ZNF546: variants seen among roughly 807,000 people sequenced by gnomAD.
The protein encoded by ZNF546 is zinc finger protein 546, also known as CTC-471F3.6.
ZNF546 carries 60 observed loss-of-function variants against 76.2 expected under a neutral mutation model. The observed-to-expected ratio is 0.79, with a 90% CI of 0.64 to 0.98. ZNF546 has a LOEUF of 0.98. Among genes scored for constraint, ZNF546 ranks in the 50% least tolerant of loss-of-function variants. The pLI is 0.00. For missense variants in ZNF546, 936 were observed against 1,035.6 expected (o/e 0.90, Z 1.32); for synonymous variants, 277 against 328.1 (o/e 0.84, Z 1.68).
intron 6 of ZNF546, among the ~76,000 whole-genome samples, chr19:40,009,822 T>C (rs1356454612): frequency 6.6e-6 from 1 of 151,848 alleles, no homozygotes; most frequent in East Asian, 1.9e-4. Context: ...TATTTTGAGA[T>C]TCATCCATGT....
chr19:40,003,794 C>T (rs1971560807), intron 3 of ZNF546, among the ~76,000 whole-genome samples: 1 of 151,890 alleles, frequency 6.6e-6, no homozygotes, highest in Non-Finnish European at 1.5e-5. Context: ...GGCAGATCAC[C>T]TGAGGTCAGG....
Position 40,019,038 on chromosome 19 carries a change from A to G in ZNF546, c.*3257A>G, listed in dbSNP as rs1374534550. ...AGGTTTCTCTGTTGTAGAGCTAAAT[A>G]TTTCTTTTAATTTAGTAAACGATCT... On this transcript the variant is annotated 3_prime_UTR_variant, in exon 7 of 7. Transcript: ENST00000347077. 2 of 152,186 alleles carry G rather than the reference A, an allele frequency of 1.3e-5. No homozygotes were observed. Among genetic ancestry groups the G allele is most frequent in the Non-Finnish European group, 2.9e-5 (2 of 68,034 alleles). 9.4% of individuals were successfully genotyped at this position (152,186 alleles called of 1,614,324 possible). A position where few individuals can be genotyped will look rare whatever the true frequency, so the allele number is the denominator to read the frequency against.
chr19:40,014,450 T>G lies in ZNF546; in HGVS notation c.1180T>G (p.Phe394Val). The G allele has an allele frequency of 1.2e-6, 2 of 1,614,156 alleles. No homozygotes were observed. The highest frequency in any genetic ancestry group is 1.7e-6 in the Non-Finnish European group (2 of 1,180,000). ...PYKCNECGKA[F>V]SHGSYLVQHQ... ...TAAATGTAATGAATGTGGGAAGGCC[T>G]TTAGTCATGGCTCATACCTTGTTCA... The change falls in exon 7 of 7, where the codon TTT becomes GTT. Residue 394 changes from phenylalanine to valine, a missense_variant. Transcript: ENST00000347077.
chr19:40,013,778 A>C lies in ZNF546; in HGVS notation c.508A>C (p.Thr170Pro). The change falls in exon 7 of 7, where the codon ACC (threonine) becomes CCC (proline). Residue 170 changes from threonine (T) to proline (P), a missense_variant. Transcript: ENST00000347077. ...EKSKNTIHED[T>P]IFRNGLQCKH... ...AAGTAAAAACACCATCCATGAGGAC[A>C]CCATTTTCAGAAATGGTTTGCAGTG... 1 of 1,613,898 alleles carries C rather than the reference A, an allele frequency of 6.2e-7. No individual in the cohort carries two copies. The highest frequency in any genetic ancestry group is 1.1e-5 in the South Asian group (1 of 91,020).
chr19:40,005,464 C>T (rs1448453996), intron 3 of ZNF546, among the ~76,000 whole-genome samples: 2 of 152,138 alleles, frequency 1.3e-5, no homozygotes, highest in African/African-American at 4.8e-5. Context: ...ATTCATTTCC[C>T]TGTGATGTTG....
At position 40,016,474 on chromosome 19, in the gene ZNF546, C is replaced by T. The variant is rs1971769720; in HGVS notation, c.*693C>T. On this transcript the variant is annotated 3_prime_UTR_variant, in exon 7 of 7. Coordinates refer to ENST00000347077, the MANE Select transcript of ZNF546 (RefSeq NM_178544.5). ...GGCAGAGGTTGCAGTGAGCTGAGAT[C>T]GCACCACTGCACTCTAGCTTGGGCA... The T allele has an allele frequency of 6.6e-6, 1 of 152,138 alleles. No homozygotes were observed. The allele number at this position is 152,138 out of a possible 1,614,324, so 9.4% of individuals were successfully genotyped here.
At chr19:40,001,772 A>T (rs139096225) in intron 3 of ZNF546, among the ~76,000 whole-genome samples, 1 of 152,234 alleles carries the variant, frequency 6.6e-6, no homozygotes, top group Non-Finnish European at 1.5e-5. Context: ...TATCATTATT[A>T]AAAAATGGGC....
chr19:40,001,899 G>A (rs1038069266), intron 3 of ZNF546, among the ~76,000 whole-genome samples: 18 of 152,120 alleles, frequency 1.2e-4, no homozygotes, highest in African/African-American at 2.2e-4. Context: ...CTTTTATTAC[G>A]TAATTATGTA....
rs546130223 is a variant in ZNF546 at position 40,013,640 on chromosome 19, CTTTTTTTTTT to C, written c.395-14_395-5del. The C allele has an allele frequency of 1.5e-5, 16 of 1,091,566 alleles. No homozygotes were observed. Among genetic ancestry groups the C allele is most frequent in the African/African-American group, 1.0e-4 (5 of 49,412 alleles). The allele number at this position is 1,091,566 out of a possible 1,614,324, so 67.6% of individuals were successfully genotyped here. A position where few individuals can be genotyped will look rare whatever the true frequency, so the allele number is the denominator to read the frequency against. ...CATTATAGCATTTGTTTACTCTTTG[CTTTTTTTTTT>C]TTTTTTTTTTGCAGATTTGGAATAC... On this transcript the variant is annotated splice_polypyrimidine_tract_variant and intron_variant, in intron 6 of 6. Coordinates refer to ENST00000347077, the MANE Select transcript of ZNF546 (RefSeq NM_178544.5).
chr19:40,014,096 AAAG>A lies in ZNF546; in HGVS notation c.829_831del (p.Glu277del). ...TGCTGGGGAGAGACCCTATGAATGT[AAAG>A]AATGTGGGAAGGCCTTTAGACTTCA... On this transcript the variant is annotated inframe_deletion, in exon 7 of 7. Transcript: ENST00000347077. 1 of 1,613,934 alleles carries A rather than the reference AAAG, an allele frequency of 6.2e-7. No homozygotes were observed. The highest frequency in any genetic ancestry group is 8.5e-7 in the Non-Finnish European group (1 of 1,179,818).
At chr19:39,999,589 T>C (rs1455817142) in intron 3 of ZNF546, 1 of 152,038 alleles carries the variant, frequency 6.6e-6, no homozygotes, top group Non-Finnish European at 1.5e-5. Context: ...GATTTTTTTT[T>C]TTTTTTGACA....
chr19:40,005,617 T>C (rs1021898655), intron 3 of ZNF546, among the ~76,000 whole-genome samples: 1 of 151,988 alleles, frequency 6.6e-6, no homozygotes, highest in Non-Finnish European at 1.5e-5. Context: ...GAATTGCTCA[T>C]GCTTAAGTTT....
chr19:40,006,015 A>G lies in ZNF546; in HGVS notation c.85-81A>G, dbSNP rs1393387957. On this transcript the variant is annotated intron_variant, in intron 3 of 6. Transcript: ENST00000347077. ...TGGGGTTGGAAGTAGAAATGATGGC[A>G]TAACAGGATCTTATTAACTTAAGTC... The G allele has an allele frequency of 2.3e-5, 27 of 1,191,554 alleles. No homozygotes were observed. In the South Asian group the frequency reaches 3.1e-4, roughly 14 times the overall value. 73.8% of individuals were successfully genotyped at this position (1,191,554 alleles called of 1,614,324 possible). A position where few individuals can be genotyped will look rare whatever the true frequency, so the allele number is the denominator to read the frequency against.
chr19:40,001,967 G>A (rs1047133984), intron 3 of ZNF546, among the ~76,000 whole-genome samples: 15 of 152,184 alleles, frequency 9.9e-5, no homozygotes, highest in Non-Finnish European at 1.6e-4. Flanking sequence ...TGAGATAGGT[G>A]CTGTTTTTAT....
chr19:40,005,009 C>CTTTT (rs752081163), intron 3 of ZNF546, among the ~76,000 whole-genome samples: 10 of 86,842 alleles, frequency 1.2e-4, no homozygotes, highest in Non-Finnish European at 1.7e-4. Flanking sequence ...CTGCATGCAT[C>CTTTT]TTTTTTTTTT....
At chr19:40,011,935 C>T (rs1250536884) in intron 6 of ZNF546, among the ~76,000 whole-genome samples, 1 of 152,172 alleles carries the variant, frequency 6.6e-6, no homozygotes, top group Non-Finnish European at 1.5e-5. Flanking sequence ...AGGTCACATT[C>T]ACAGGCACTG....
Position 40,013,743 on chromosome 19 carries a change from CAGG to C in ZNF546, c.474_476del (p.Gly159del), listed in dbSNP as rs375696826. ...AAAATCTATTTATCTCAATTGCAGA[CAGG>C]GGAAAAAAGTAAAAACACCATCCAT... On this transcript the variant is annotated inframe_deletion, in exon 7 of 7. Coordinates refer to ENST00000347077, the MANE Select transcript of ZNF546 (RefSeq NM_178544.5). 1.9e-5 allele frequency: 30 copies of C among 1,602,914 alleles called. No homozygotes were observed. The African/African-American group carries it at 3.2e-4, about 17-fold the overall frequency.
intron 3 of ZNF546, chr19:39,998,682 A>G: frequency 2.4e-6 from 1 of 419,392 alleles, no homozygotes; most frequent in Non-Finnish European, 4.3e-6. Context: ...GGAATCCATG[A>G]GTTGAGATTT....
At chr19:40,007,000 G>C (rs925501519) in intron 4 of ZNF546, among the ~76,000 whole-genome samples, 2 of 152,194 alleles carry the variant, frequency 1.3e-5, no homozygotes, top group African/African-American at 4.8e-5. Context: ...GGGAAGAGAG[G>C]ATGATGGAAC....
Sources: gnomAD v4.1 joint callset for allele counts (sites outside exome capture counted in the v4.1 genomes callset) on GRCh38, gnomAD v4.1.1 for gene constraint, MANE v1.5 for transcripts, NCBI Gene and HGNC (gene_info 2026-07-23, HGNC 2026-07-21) for gene names.